The following ANKRD36 variants were observed in gnomAD, a reference collection of about 807,000 sequenced individuals.
ANKRD36 encodes the protein ankyrin repeat domain 36.
A neutral mutation model predicts 278.1 loss-of-function variants in ANKRD36; 179 were observed. That is an observed-to-expected ratio of 0.64 (90% confidence interval 0.57 to 0.73). The LOEUF is 0.73. Among genes scored for constraint, ANKRD36 ranks in the 30% least tolerant of loss-of-function variants. The pLI is 0.00. For missense variants in ANKRD36, 1,159 were observed against 1,956.7 expected (o/e 0.59, Z 7.69); for synonymous variants, 320 against 641.1 (o/e 0.50, Z 7.57).
chr2:97,200,659 G>A (rs1377493386), intron 46 of ANKRD36, 134 bp downstream of exon 46: 4 of 1,409,624 alleles, frequency 2.8e-6, no homozygotes, highest in Non-Finnish European at 3.8e-6. Context: ...TTTCTAACAA[G>A]TTCTTGGGTT....
In ANKRD36 at chr2:97,192,404, T is replaced by C. The variant is rs370029550; in HGVS notation, c.2348-454T>C. On this transcript the variant is annotated intron_variant, in intron 36 of 75. Transcript: ENST00000420699. Reference sequence around the variant, plus strand: ...CTGAAGTGTCATCATAATTGTGTGCTTTCTCAGTTATTGGGCAAGTTAAAG... The same window carrying C: ...CTGAAGTGTCATCATAATTGTGTGCCTTCTCAGTTATTGGGCAAGTTAAAG... Among the ~76,000 whole-genome samples, 11 of 151,120 alleles carry C rather than the reference T, an allele frequency of 7.3e-5. No homozygotes were observed. The East Asian group carries it at 1.5e-3, about 20-fold the overall frequency.
intron 50 of ANKRD36, among the ~76,000 whole-genome samples, chr2:97,204,999 T>C (rs2062455052): frequency 6.6e-6 from 1 of 151,388 alleles, no homozygotes; most frequent in Non-Finnish European, 1.5e-5. Context: ...TATGAATACA[T>C]TGGCTTCTTT....
chr2:97,235,045 A>G (rs1279738276), intron 68 of ANKRD36, among the ~76,000 whole-genome samples: 1 of 148,940 alleles, frequency 6.7e-6, no homozygotes, highest in East Asian at 2.1e-4. Context: ...TTGTTGAATT[A>G]CAGATTTTGC....
chr2:97,220,633 T>C (rs1410708447), intron 66 of ANKRD36, among the ~76,000 whole-genome samples: 2 of 151,692 alleles, frequency 1.3e-5, no homozygotes, highest in African/African-American at 2.4e-5. Context: ...TTTCTGTTGA[T>C]GTACATTTAG....
At chr2:97,180,537 A>G (rs973493359) in intron 24 of ANKRD36, among the ~76,000 whole-genome samples, 7 of 151,704 alleles carry the variant, frequency 4.6e-5, no homozygotes, top group Non-Finnish European at 7.4e-5. Flanking sequence ...TCCAAGAACT[A>G]CTGGAAGCAG....
intron 4 of ANKRD36, among the ~76,000 whole-genome samples, chr2:97,123,750 TGTAA>T (rs1559218383): frequency 7.4e-6 from 1 of 135,164 alleles, no homozygotes; most frequent in Non-Finnish European, 1.6e-5. Context: ...AAGAATATAA[TGTAA>T]GTAACATCAT....
intron 22 of ANKRD36, among the ~76,000 whole-genome samples, chr2:97,177,985 AAAAC>A (rs1292752561): frequency 1.7e-4 from 25 of 146,568 alleles, no homozygotes; most frequent in Admixed American, 5.6e-4. Context: ...TTACAAGAAA[AAAAC>A]AAACAACCCC....
At chr2:97,169,067 C>T (rs1194085447) in intron 22 of ANKRD36, among the ~76,000 whole-genome samples, 2 of 152,100 alleles carry the variant, frequency 1.3e-5, no homozygotes, top group Admixed American at 6.5e-5. Context: ...AATTGACACT[C>T]CCACCAACAA....
intron 52 of ANKRD36, among the ~76,000 whole-genome samples, chr2:97,207,582 T>G (rs1434736785): frequency 6.6e-6 from 1 of 151,504 alleles, no homozygotes; most frequent in Non-Finnish European, 1.5e-5. Context: ...TTTTCACATA[T>G]GACAAATCAT....
At chr2:97,149,611 A>G (rs1284470213) in intron 12 of ANKRD36, among the ~76,000 whole-genome samples, 1 of 152,090 alleles carries the variant, frequency 6.6e-6, no homozygotes, top group African/African-American at 2.4e-5. Context: ...ATACACAGTG[A>G]CAGAAAAATG....
At chr2:97,136,051 C>G (rs2041410649) in intron 6 of ANKRD36, among the ~76,000 whole-genome samples, 1 of 151,536 alleles carries the variant, frequency 6.6e-6, no homozygotes, top group Non-Finnish European at 1.5e-5. Flanking sequence ...TGGGGCTCAT[C>G]ATCATAGTGA....
At chr2:97,218,117 T>C (rs1166437342) in intron 64 of ANKRD36, among the ~76,000 whole-genome samples, 1 of 151,124 alleles carries the variant, frequency 6.6e-6, no homozygotes, top group Non-Finnish European at 1.5e-5. Flanking sequence ...AATATGAATA[T>C]TTAGTTTTTT....
chr2:97,177,681 A>G (rs1453509514), intron 22 of ANKRD36, among the ~76,000 whole-genome samples: 1 of 151,838 alleles, frequency 6.6e-6, no homozygotes, highest in African/African-American at 2.4e-5. Flanking sequence ...TCAATTCAAG[A>G]TGGATTAAAG....
Position 97,149,281 on chromosome 2 carries a change from T to A in ANKRD36, c.1035-14T>A. Reference sequence around the variant, plus strand: ...TGAATGAGCTCATTTTTGTAATATCTTTTTGCTCTGTAGGAGTCTCTACAG... The same window carrying A: ...TGAATGAGCTCATTTTTGTAATATCATTTTGCTCTGTAGGAGTCTCTACAG... On this transcript the variant is annotated splice_polypyrimidine_tract_variant and intron_variant, in intron 11 of 75. Coordinates refer to ENST00000420699, the MANE Select transcript of ANKRD36 (RefSeq NM_001354587.1). The A allele has an allele frequency of 6.5e-7, 1 of 1,531,942 alleles. No homozygotes were observed. The highest frequency in any genetic ancestry group is 1.2e-5 in the South Asian group (1 of 83,746). The allele number at this position is 1,531,942 out of a possible 1,614,324, so 94.9% of individuals were successfully genotyped here.
At chr2:97,209,576 C>G in intron 54 of ANKRD36, 105 bp from the exon 55 acceptor site, 1 of 1,568,358 alleles carries the variant, frequency 6.4e-7, no homozygotes, top group Non-Finnish European at 8.6e-7. Flanking sequence ...AAAGCCTCCA[C>G]TAATACAGGC....
chr2:97,191,219 CAGAT>C (rs1422645112), intron 36 of ANKRD36, 38 bp downstream of exon 36: 10 of 1,526,566 alleles, frequency 6.6e-6, no homozygotes, highest in Non-Finnish European at 8.8e-6. Flanking sequence ...ATATTCAGTC[CAGAT>C]AGATAAGAAT....
intron 6 of ANKRD36, among the ~76,000 whole-genome samples, chr2:97,139,829 C>T (rs371596769): frequency 8.8e-4 from 123 of 140,554 alleles, no homozygotes; most frequent in Middle Eastern, 3.5e-3. Context: ...AGGAAATGGC[C>T]GATGGTCAAA....
At chr2:97,114,322 G>T (rs2034583253) in intron 1 of ANKRD36, among the ~76,000 whole-genome samples, 1 of 113,230 alleles carries the variant, frequency 8.8e-6, no homozygotes, top group Non-Finnish European at 1.9e-5. Flanking sequence ...GTGGGGGAAA[G>T]GGGTGCAGAG....
chr2:97,206,108 A>G lies in ANKRD36; in HGVS notation c.3136A>G (p.Asn1046Asp). 1 of 1,546,574 alleles carries G rather than the reference A, an allele frequency of 6.5e-7. No individual in the cohort carries two copies. The highest frequency in any genetic ancestry group is 8.7e-7 in the Non-Finnish European group (1 of 1,147,972). Residue 1046 changes from asparagine (N) to aspartate (D), a missense_variant, in exon 52 of 76, where the codon AAC (asparagine) becomes GAC (aspartate). By Grantham distance (23) the Asn-to-Asp change is conservative (BLOSUM62 1). Transcript: ENST00000420699. ...EDSVLSIARENKDGEKSRTVS... is the reference protein window; with the variant it reads ...EDSVLSIAREDKDGEKSRTVS... ...TTCTGTTTTGAGTATAGCCAGAGAA[A>G]ACAAGGATGGAGAAAAATCTAGGAC...
Sources: allele counts gnomAD v4.1 joint callset (sites outside exome capture counted in the v4.1 genomes callset), GRCh38; gene constraint gnomAD v4.1.1; transcripts MANE v1.5; gene names NCBI Gene and HGNC (gene_info 2026-07-23, HGNC 2026-07-21).